Variants in TUT4 observed in about 807,000 individuals in gnomAD.
TUT4 encodes the protein terminal uridylyltransferase 4.
TUT4 carries 36 observed loss-of-function variants against 192.2 expected under a neutral mutation model. That is an observed-to-expected ratio of 0.19 (90% CI 0.14 to 0.25). The LOEUF (loss-of-function observed/expected upper bound fraction) is 0.25. TUT4 is among the 10% of genes least tolerant of loss of function. The pLI is 1.00. For synonymous variants in TUT4, 618 were observed against 666.0 expected (o/e 0.93, Z 1.11); for missense variants, 1,493 against 1,957.2 (o/e 0.76, Z 4.47).
rs533607184 is a variant in TUT4, at chr1:52,519,561, G to A, written c.719-3507C>T. ...TTTCGCTCTTGTTGCCCAGACTGGA[G>A]TGCAGTGGTGCAATCTCGGCTCACT... On this transcript the variant is annotated intron_variant, in intron 2 of 29. Coordinates refer to ENST00000257177, the MANE Select transcript of TUT4 (RefSeq NM_001009881.3). Among the ~76,000 whole-genome samples the A allele has an allele frequency of 2.6e-5, 4 of 151,364 alleles. No individual in the cohort carries two copies. In the South Asian group the frequency reaches 8.3e-4, roughly 31 times the overall value.
chr1:52,427,310 AGAGT>A (rs1316901102), intron 28 of TUT4, among the ~76,000 whole-genome samples: 2 of 152,140 alleles, frequency 1.3e-5, no homozygotes, highest in African/African-American at 2.4e-5. Context: ...GAAGAAGGTG[AGAGT>A]GAGCAGCAGA....
At chr1:52,529,611 A>C (rs539703567) in intron 1 of TUT4, among the ~76,000 whole-genome samples, 2 of 152,366 alleles carry the variant, frequency 1.3e-5, no homozygotes, top group East Asian at 3.8e-4. Context: ...CAAAAGCCAT[A>C]AAACAACAAA....
chr1:52,458,402 T>G lies in TUT4; in HGVS notation c.3369A>C (p.Ala1123=), dbSNP rs144466926. The G allele has an allele frequency of 1.2e-4, 190 of 1,613,828 alleles. No individual in the cohort carries two copies. Among genetic ancestry groups the G allele is most frequent in the Non-Finnish European group, 1.5e-4 (179 of 1,179,942 alleles). ...DASRGSLSSY[A]YILMVLYFLQ... is the part of the protein sequence containing the mutation. ...GAAAGTACAGCACCATAAGGATATATGCATATGAAGATAAACTTCCCCTGG... is the reference window on the plus strand; with the variant it reads ...GAAAGTACAGCACCATAAGGATATAGGCATATGAAGATAAACTTCCCCTGG... The change falls in exon 20 of 30, where the codon GCA becomes GCC. Residue 1123 remains alanine, a synonymous_variant. Transcript: ENST00000257177.
At chr1:52,505,583 G>A (rs767718262) in intron 4 of TUT4, among the ~76,000 whole-genome samples, 5 of 151,672 alleles carry the variant, frequency 3.3e-5, no homozygotes, top group East Asian at 1.9e-4. Context: ...CACCAAGCCC[G>A]GCTAATTTTC....
At chr1:52,494,631 G>A (rs1672016753) in intron 6 of TUT4, among the ~76,000 whole-genome samples, 1 of 152,188 alleles carries the variant, frequency 6.6e-6, no homozygotes, top group Non-Finnish European at 1.5e-5. Flanking sequence ...GGTGGAGGGT[G>A]CAGTCAGCCG....
intron 22 of TUT4, 50 bp downstream of exon 22, chr1:52,446,215 C>T (rs1297588331): frequency 1.3e-5 from 20 of 1,547,524 alleles, no homozygotes; most frequent in African/African-American, 2.8e-5. Context: ...CCCTCAATTT[C>T]GTTGACCAAA....
chr1:52,461,756 T>C lies in TUT4; in HGVS notation c.3083A>G (p.Lys1028Arg). The change falls in exon 17 of 30, where the codon AAG becomes AGG. Residue 1028 changes from lysine (K) to arginine (R), a missense_variant. Physicochemically the swap from Lys to Arg is conservative, Grantham distance 26. Around this residue, in one of 7 missense-constraint regions of TUT4, gnomAD observed 141 missense variants for 382.7 expected, o/e 0.37. Coordinates refer to ENST00000257177, the MANE Select transcript of TUT4 (RefSeq NM_001009881.3). The part of the protein sequence containing the change: ...GHENAEKLNC[K>R]EIIENLAKIL... ...TTTTGCCAAATTTTCAATTATTTCC[T>C]TACAATTTAATTTCTAAAAAACAAA... 7.1e-7 allele frequency: 1 copy of C among 1,405,446 alleles called. No homozygotes were observed. The highest frequency in any genetic ancestry group is 9.8e-7 in the Non-Finnish European group (1 of 1,022,076). The allele number at this position is 1,405,446 out of a possible 1,614,324, so 87.1% of individuals were successfully genotyped here. A position where few individuals can be genotyped will look rare whatever the true frequency, so the allele number is the denominator to read the frequency against.
chr1:52,435,112 T>C (rs1006072203), intron 27 of TUT4: 2 of 269,488 alleles, frequency 7.4e-6, no homozygotes, highest in Admixed American at 1.0e-4. Flanking sequence ...TTAATCCATC[T>C]TATTAGGTAG....
intron 9 of TUT4, among the ~76,000 whole-genome samples, chr1:52,482,733 G>C (rs2148982850): frequency 6.6e-6 from 1 of 152,248 alleles, no homozygotes; most frequent in Middle Eastern, 3.4e-3. Flanking sequence ...ACCATGCCCA[G>C]CCAACACATT....
Position 52,477,891 on chromosome 1 carries a change from GA to G in TUT4, c.1849-10del. 1 of 1,570,466 alleles carries G rather than the reference GA, an allele frequency of 6.4e-7. No homozygotes were observed. Among genetic ancestry groups the G allele is most frequent in the Non-Finnish European group, 8.6e-7 (1 of 1,163,214 alleles). On this transcript the variant is annotated splice_polypyrimidine_tract_variant and intron_variant, in intron 11 of 29. Transcript: ENST00000257177. ...TCCAATGCTAAAGGAGACTGGAAAA[GA>G]AAAAATACTTTTCATTTAAGCTTAA...
At chr1:52,533,745 A>G (rs115410959) in intron 1 of TUT4, among the ~76,000 whole-genome samples, 4,246 of 152,262 alleles carry the variant, frequency 0.028, 78 homozygotes, top group South Asian at 0.063. Flanking sequence ...AGGCAGGTAG[A>G]TCACTTGAGG....
intron 24 of TUT4, among the ~76,000 whole-genome samples, chr1:52,439,386 T>C (rs1654830122): frequency 6.6e-6 from 1 of 152,150 alleles, no homozygotes; most frequent in Admixed American, 6.5e-5. Flanking sequence ...TAAAAAGAAG[T>C]AAATAATTTT....
At chr1:52,509,562 A>G in intron 4 of TUT4, 34 bp downstream of exon 4, 1 of 1,160,394 alleles carries the variant, frequency 8.6e-7, no homozygotes, top group Non-Finnish European at 1.2e-6. Context: ...ACAACTTGAA[A>G]AATAAATAAA....
At position 52,443,404 on chromosome 1, in the gene TUT4, T is replaced by C. The variant is rs60833906; in HGVS notation, c.3822+2383A>G. On this transcript the variant is annotated intron_variant, in intron 24 of 29. Coordinates refer to ENST00000257177, the MANE Select transcript of TUT4 (RefSeq NM_001009881.3). ...GAGTTCAACACCAACCTGACCAGCA[T>C]GGTGAAACCCCGTCTCTACTAAAAA... is the stretch of plus-strand genomic sequence containing the variant. Among the ~76,000 whole-genome samples the C allele has an allele frequency of 3.1e-3, 470 of 150,714 alleles. 4 individuals carry two copies. Among genetic ancestry groups the C allele is most frequent in the African/African-American group, 0.011 (442 of 40,922 alleles).
At chr1:52,480,135 T>C (rs1668143542) in intron 11 of TUT4, among the ~76,000 whole-genome samples, 1 of 151,794 alleles carries the variant, frequency 6.6e-6, no homozygotes, top group Non-Finnish European at 1.5e-5. Flanking sequence ...ATACAGACAG[T>C]ACTTAAAATC....
intron 4 of TUT4, among the ~76,000 whole-genome samples, chr1:52,508,283 C>T (rs1217522637): frequency 6.7e-6 from 1 of 148,334 alleles, no homozygotes; most frequent in Admixed American, 6.8e-5. Context: ...GCCAAGATTG[C>T]ACCACTGAAC....
chr1:52,542,769 A>ATTTTT (rs763735144), intron 1 of TUT4, among the ~76,000 whole-genome samples: 5 of 148,778 alleles, frequency 3.4e-5, no homozygotes, highest in East Asian at 2.0e-4. Context: ...TTATTTATTT[A>ATTTTT]TTTTTTTTTG....
intron 1 of TUT4, among the ~76,000 whole-genome samples, chr1:52,531,407 T>A (rs1683375745): frequency 6.6e-6 from 1 of 151,950 alleles, no homozygotes; most frequent in African/African-American, 2.4e-5. Flanking sequence ...CTGAAAGTGA[T>A]CCTGAAAGCA....
At chr1:52,427,534 A>G (rs1053391865) in intron 28 of TUT4, among the ~76,000 whole-genome samples, 4 of 152,254 alleles carry the variant, frequency 2.6e-5, no homozygotes, top group Non-Finnish European at 4.4e-5. Context: ...TCATGGTTCT[A>G]TAACTCAGTG....
Sources: allele counts gnomAD v4.1 joint callset (sites outside exome capture counted in the v4.1 genomes callset), GRCh38; gene constraint gnomAD v4.1.1; regional missense constraint gnomAD v4.1.1; transcripts MANE v1.5; gene names NCBI Gene and HGNC (gene_info 2026-07-23, HGNC 2026-07-21).